The following IGF1 variants were observed in gnomAD, a reference collection of about 807,000 sequenced individuals.
The protein encoded by IGF1 is insulin-like growth factor 1.
In IGF1, 4 loss-of-function variants were observed where a neutral mutation model predicts 13.8. The ratio of observed to expected loss-of-function variants is 0.29; its 90% CI spans 0.14 to 0.66. The LOEUF is 0.66. IGF1 is among the 30% of genes least tolerant of loss of function. The pLI is 0.78. For synonymous variants in IGF1, 76 were observed against 72.6 expected (o/e 1.05, Z -0.23); for missense variants, 124 against 188.5 (o/e 0.66, Z 2.00).
chr12:102,444,741 T>C (rs938505590), intron 2 of IGF1, among the ~76,000 whole-genome samples: 3 of 152,028 alleles, frequency 2.0e-5, no homozygotes, highest in Admixed American at 1.3e-4. Flanking sequence ...AAGTGCCGCG[T>C]AGTATGTGAA....
intron 2 of IGF1, among the ~76,000 whole-genome samples, chr12:102,467,449 AT>A (rs1880407818): frequency 1.3e-5 from 2 of 152,240 alleles, no homozygotes; most frequent in Non-Finnish European, 2.9e-5. Flanking sequence ...TTGCTAAGTC[AT>A]TCCAAAGCAT....
intron 3 of IGF1, among the ~76,000 whole-genome samples, chr12:102,415,275 T>C (rs1021052643): frequency 4.6e-5 from 7 of 151,668 alleles, no homozygotes; most frequent in African/African-American, 1.7e-4. Flanking sequence ...CATCCATCCA[T>C]CCATCCATCC....
chr12:102,427,144 CAG>C (rs1174612979), intron 2 of IGF1, among the ~76,000 whole-genome samples: 5 of 152,102 alleles, frequency 3.3e-5, no homozygotes. Context: ...TGAAAACTGC[CAG>C]AGAAAGAATA....
rs1472238462 is a variant in IGF1, at chr12:102,428,540, A to C, written c.221-8850T>G. ...AGAGTCATTTGAAGCAGGTGATAGA[A>C]TCAAACTACATTTTGAAAACCGGAG... On this transcript the variant is annotated intron_variant, in intron 2 of 3. Coordinates refer to ENST00000337514, the MANE Select transcript of IGF1 (RefSeq NM_000618.5). 2.0e-5 allele frequency among the ~76,000 whole-genome samples: 3 copies of C among 152,058 alleles called. No homozygotes were observed. The East Asian group carries it at 5.8e-4, about 30-fold the overall frequency.
intron 2 of IGF1, among the ~76,000 whole-genome samples, chr12:102,458,035 A>G (rs1879559626): frequency 6.6e-6 from 1 of 152,116 alleles, no homozygotes; most frequent in Non-Finnish European, 1.5e-5. Flanking sequence ...ATATTTTGCA[A>G]CTGGTCATTC....
intron 2 of IGF1, among the ~76,000 whole-genome samples, chr12:102,430,504 C>A (rs1248704536): frequency 6.6e-6 from 1 of 152,132 alleles, no homozygotes; most frequent in Non-Finnish European, 1.5e-5. Flanking sequence ...AGAAGTGAAG[C>A]TTTTGACTCT....
rs57468885 is a variant in IGF1, at chr12:102,407,094, C to CA, written c.403-4529dup. Among the ~76,000 whole-genome samples the CA allele has an allele frequency of 7.9e-5, 8 of 100,986 alleles. 1 individual carries two copies. Among genetic ancestry groups the CA allele is most frequent in the East Asian group, 3.2e-4 (1 of 3,090 alleles). 66.3% of individuals were successfully genotyped at this position (100,986 alleles called of 152,430 possible). A position where few individuals can be genotyped will look rare whatever the true frequency, so the allele number is the denominator to read the frequency against. ...TGGCGACAGAGTAAAACTCTGTCTC[C>CA]AAAAAAAAAAAAAAAAAAAAAAAAA... On this transcript the variant is annotated intron_variant, in intron 3 of 3. Coordinates refer to ENST00000337514, the MANE Select transcript of IGF1 (RefSeq NM_000618.5).
chr12:102,413,832 G>A (rs932721873), intron 3 of IGF1, among the ~76,000 whole-genome samples: 1 of 152,096 alleles, frequency 6.6e-6, no homozygotes, highest in African/African-American at 2.4e-5. Flanking sequence ...CAGAAGCAAT[G>A]GCTCTCACTT....
chr12:102,423,400 G>T (rs1805184363), intron 2 of IGF1, among the ~76,000 whole-genome samples: 1 of 151,446 alleles, frequency 6.6e-6, no homozygotes, highest in African/African-American at 2.4e-5. Flanking sequence ...GAATAGGCAT[G>T]TATAACATTC....
intron 2 of IGF1, among the ~76,000 whole-genome samples, chr12:102,441,067 CTCT>C (rs1338168799): frequency 2.0e-5 from 3 of 152,172 alleles, no homozygotes; most frequent in Non-Finnish European, 4.4e-5. Flanking sequence ...ATCTCCAAGC[CTCT>C]TCTTCTATGC....
At chr12:102,447,222 C>T (rs1878433185) in intron 2 of IGF1, among the ~76,000 whole-genome samples, 1 of 152,118 alleles carries the variant, frequency 6.6e-6, no homozygotes, top group Non-Finnish European at 1.5e-5. Context: ...GTGGAGAGTT[C>T]TGTAGATGTC....
In IGF1 at chr12:102,478,381, T is replaced by TC. The variant is rs1881202072; in HGVS notation, c.63+1937_63+1938insG. ...CAAACCCAAATTTTAAAAGTTCTTTTTTTTTTAATCTTAGATAAATGGAAT... is the reference window on the plus strand; with the variant it reads ...CAAACCCAAATTTTAAAAGTTCTTTTCTTTTTTAATCTTAGATAAATGGAAT... On this transcript the variant is annotated intron_variant, in intron 1 of 3. Transcript: ENST00000337514. The TC allele has an allele frequency of 6.5e-6, 5 of 764,852 alleles. No individual in the cohort carries two copies. The East Asian group carries it at 1.7e-4, about 26-fold the overall frequency. 47.4% of individuals were successfully genotyped at this position (764,852 alleles called of 1,614,324 possible).
At chr12:102,403,659 C>T (rs977027102) in intron 3 of IGF1, among the ~76,000 whole-genome samples, 19 of 51,902 alleles carry the variant, frequency 3.7e-4, no homozygotes, top group Middle Eastern at 0.018. Flanking sequence ...TTTGTAGAGA[C>T]GGGGTTTTGC....
At chr12:102,403,404 A>C (rs1167335466) in intron 3 of IGF1, among the ~76,000 whole-genome samples, 1 of 151,896 alleles carries the variant, frequency 6.6e-6, no homozygotes, top group African/African-American at 2.4e-5. Context: ...CTGGGTTCCT[A>C]ATTTGGTGTT....
chr12:102,432,667 C>T (rs950795461), intron 2 of IGF1, among the ~76,000 whole-genome samples: 1 of 152,044 alleles, frequency 6.6e-6, no homozygotes, highest in African/African-American at 2.4e-5. Flanking sequence ...AAACATGGGG[C>T]GTAACCAAGA....
chr12:102,445,164 G>A lies in IGF1; in HGVS notation c.221-25474C>T, dbSNP rs576467540. ...GACTTGTAGTATAGTTTGAAGTCAG[G>A]TAGCGTGATGCCTCCAGCTTTGTTC... On this transcript the variant is annotated intron_variant, in intron 2 of 3. Coordinates refer to ENST00000337514, the MANE Select transcript of IGF1 (RefSeq NM_000618.5). 2.0e-5 allele frequency among the ~76,000 whole-genome samples: 3 copies of A among 151,302 alleles called. No homozygotes were observed. The South Asian group carries it at 6.3e-4, about 32-fold the overall frequency.
intron 2 of IGF1, among the ~76,000 whole-genome samples, chr12:102,471,314 C>A (rs1880670926): frequency 6.6e-6 from 1 of 152,122 alleles, no homozygotes; most frequent in African/African-American, 2.4e-5. Context: ...TAGAAGAGGT[C>A]ATTTATTTTA....
At chr12:102,418,714 A>G (rs1308367128) in intron 3 of IGF1, among the ~76,000 whole-genome samples, 2 of 152,022 alleles carry the variant, frequency 1.3e-5, no homozygotes, top group Non-Finnish European at 2.9e-5. Context: ...TCATTTGTTC[A>G]TTCGTTCACT....
chr12:102,465,976 TAAATAAATAAAG>T lies in IGF1; in HGVS notation c.220+9655_220+9666del, dbSNP rs1414317337. Among the ~76,000 whole-genome samples, 7 of 145,442 alleles carry T rather than the reference TAAATAAATAAAG, an allele frequency of 4.8e-5. No homozygotes were observed. The East Asian group carries it at 7.9e-4, about 16-fold the overall frequency. On this transcript the variant is annotated intron_variant, in intron 2 of 3. Transcript: ENST00000337514. ...ATAAATAAATAAATAAATAAATAAA[TAAATAAATAAAG>T]ATAACCAACTTCTTTTTAATTTGCT...
Sources: allele counts gnomAD v4.1 joint callset (sites outside exome capture counted in the v4.1 genomes callset), GRCh38; gene constraint gnomAD v4.1.1; transcripts MANE v1.5; gene names NCBI Gene and HGNC (gene_info 2026-07-23, HGNC 2026-07-21).